Variants in TTC6 observed in about 807,000 individuals in gnomAD.
The protein encoded by TTC6 is tetratricopeptide repeat protein 6.
In TTC6, 172 loss-of-function variants were observed where a neutral mutation model predicts 210.4. That is an observed-to-expected ratio of 0.82 (90% CI 0.72 to 0.93). The LOEUF (loss-of-function observed/expected upper bound fraction) is 0.93. Ranked by LOEUF, TTC6 falls within the 40% of genes least tolerant of loss-of-function variation. TTC6 has a pLI of 0.00. For missense variants in TTC6, 2,414 were observed against 2,318.1 expected (o/e 1.04, Z -0.85); for synonymous variants, 804 against 819.6 (o/e 0.98, Z 0.32).
chr14:37,692,208 CA>C (rs3062759), intron 3 of TTC6, among the ~76,000 whole-genome samples: 8 of 40,158 alleles, frequency 2.0e-4, no homozygotes, highest in African/African-American at 8.7e-4. Context: ...AAAGACACAC[CA>C]AAAAAAAAAA....
chr14:37,647,685 G>C (rs1056549751), intron 1 of TTC6, among the ~76,000 whole-genome samples: 9 of 152,116 alleles, frequency 5.9e-5, no homozygotes, highest in African/African-American at 2.2e-4. Context: ...TGGCAGGTTA[G>C]GGTTAGAGGG....
chr14:37,640,246 A>AT (rs953499740), intron 1 of TTC6, among the ~76,000 whole-genome samples: 108 of 149,128 alleles, frequency 7.2e-4, no homozygotes, highest in African/African-American at 1.9e-3. Context: ...CCCAGAAATG[A>AT]TTTTTTTTTT....
At chr14:37,787,717 G>T in intron 15 of TTC6, 80 bp downstream of exon 17, 1 of 1,180,612 alleles carries the variant, frequency 8.5e-7, no homozygotes, top group African/African-American at 1.5e-5. Context: ...GAATGGTAAT[G>T]TGGGTTCACT....
intron 25 of TTC6, among the ~76,000 whole-genome samples, 169 bp downstream of exon 27, chr14:37,812,602 A>G (rs530517113): frequency 2.3e-4 from 31 of 132,820 alleles, no homozygotes; most frequent in African/African-American, 7.7e-4. Flanking sequence ...GAAAAAATGT[A>G]TATTTTTGCT....
intron 1 of TTC6, among the ~76,000 whole-genome samples, chr14:37,625,480 G>A (rs1202202355): frequency 1.3e-5 from 2 of 151,688 alleles, no homozygotes; most frequent in African/African-American, 2.4e-5. Context: ...CCCGGGAGGC[G>A]GAGGTTGCAG....
chr14:37,721,874 A>G (rs1409968295), intron 6 of TTC6, among the ~76,000 whole-genome samples: 41 of 130,076 alleles, frequency 3.2e-4, no homozygotes, highest in Admixed American at 2.7e-3. Flanking sequence ...ATATATATAT[A>G]TATGTATATA....
chr14:37,738,531 A>G (rs2095908277), intron 9 of TTC6, among the ~76,000 whole-genome samples: 1 of 152,140 alleles, frequency 6.6e-6, no homozygotes, highest in African/African-American at 2.4e-5. Flanking sequence ...TCTAATTTAT[A>G]GTGCTGTTTA....
chr14:37,750,797 G>C (rs2095949482), intron 12 of TTC6, among the ~76,000 whole-genome samples: 1 of 152,100 alleles, frequency 6.6e-6, no homozygotes, highest in Non-Finnish European at 1.5e-5. Context: ...GGCTGATGTG[G>C]GAGGATTGCT....
At chr14:37,709,729 C>T (rs8010815) in intron 5 of TTC6, among the ~76,000 whole-genome samples, 92,739 of 148,642 alleles carry the variant, frequency 0.62, 29,088 homozygotes, top group East Asian at 0.85. Context: ...TATAGTTATA[C>T]ACTTACTCTT....
At chr14:37,718,107 TG>T (rs2095855591) in intron 6 of TTC6, among the ~76,000 whole-genome samples, 1 of 152,240 alleles carries the variant, frequency 6.6e-6, no homozygotes, top group East Asian at 1.9e-4. Flanking sequence ...TCAGGTGTTC[TG>T]TTATAGCAGT....
intron 3 of TTC6, among the ~76,000 whole-genome samples, chr14:37,694,577 C>T (rs1226462914): frequency 2.0e-5 from 3 of 152,108 alleles, no homozygotes; most frequent in Admixed American, 6.5e-5. Flanking sequence ...CTGCTGGGTA[C>T]ATACCCCAAA....
intron 14 of TTC6, among the ~76,000 whole-genome samples, chr14:37,759,311 G>A (rs1445709008): frequency 1.3e-5 from 2 of 151,758 alleles, no homozygotes; most frequent in Non-Finnish European, 2.9e-5. Flanking sequence ...TTTTCTTTAA[G>A]AATGTTGAAT....
At chr14:37,700,761 A>AAG (rs2095823691) in intron 4 of TTC6, among the ~76,000 whole-genome samples, 2 of 150,008 alleles carry the variant, frequency 1.3e-5, no homozygotes, top group African/African-American at 2.5e-5. Context: ...AAAAAAAAAA[A>AAG]AAAAAAAAAA....
chr14:37,635,767 T>C (rs530567945), intron 1 of TTC6, among the ~76,000 whole-genome samples: 1 of 151,698 alleles, frequency 6.6e-6, no homozygotes, highest in East Asian at 1.9e-4. Flanking sequence ...TCATGTGAAG[T>C]CAGGAGTTTG....
intron 1 of TTC6, among the ~76,000 whole-genome samples, chr14:37,679,835 C>T (rs1391706110): frequency 2.6e-5 from 4 of 151,944 alleles, no homozygotes; most frequent in Non-Finnish European, 4.4e-5. Context: ...GGATTACAGA[C>T]ATGTGCCATC....
intron 29 of TTC6, chr14:37,837,550 T>C: frequency 2.8e-6 from 1 of 353,592 alleles, no homozygotes; most frequent in Admixed American, 3.6e-5. Flanking sequence ...AAGGTGATGT[T>C]CCCTCTCCAT....
chr14:37,713,166 T>A (rs2095847262), intron 5 of TTC6, among the ~76,000 whole-genome samples: 1 of 152,046 alleles, frequency 6.6e-6, no homozygotes, highest in Non-Finnish European at 1.5e-5. Context: ...AACAAACCAG[T>A]AAAAAACACA....
intron 30 of TTC6, 130 bp downstream of exon 32, chr14:37,841,800 C>T: frequency 1.3e-6 from 1 of 791,960 alleles, no homozygotes; most frequent in Non-Finnish European, 2.0e-6. Flanking sequence ...TTTTAGATAT[C>T]ATGTCCTTAA....
intron 6 of TTC6, among the ~76,000 whole-genome samples, chr14:37,721,849 T>TAA (rs2095862352): frequency 1.2e-4 from 1 of 8,384 alleles, no homozygotes; most frequent in Non-Finnish European, 4.3e-4. Context: ...AGTTTCACCA[T>TAA]ATATATATAT....
Sources: gnomAD v4.1 joint callset for allele counts (sites outside exome capture counted in the v4.1 genomes callset) on GRCh38, gnomAD v4.1.1 for gene constraint, MANE v1.5 for transcripts, NCBI Gene and HGNC (gene_info 2026-07-23, HGNC 2026-07-21) for gene names.